The following CALN1 variants were observed in gnomAD, a reference collection of about 807,000 sequenced individuals.
CALN1 encodes the protein calneuron 1, also known as calcium-binding protein 8.
A neutral mutation model predicts 30.6 loss-of-function variants in CALN1; 17 were observed. The observed-to-expected ratio is 0.56, with a 90% confidence interval of 0.38 to 0.83. The LOEUF (loss-of-function observed/expected upper bound fraction) is 0.83. CALN1 is among the 40% of genes least tolerant of loss of function. The pLI, the probability that CALN1 is intolerant of heterozygous loss-of-function variation, is 0.00. For synonymous variants in CALN1, 156 were observed against 131.4 expected, an observed-to-expected ratio of 1.19 and a Z score of -1.28; for missense variants, 291 against 354.9, an observed-to-expected ratio of 0.82 and a Z score of 1.45.
At chr7:72,177,490 CA>C (rs574078027) in intron 3 of CALN1, among the ~76,000 whole-genome samples, 396 of 152,134 alleles carry the variant, frequency 2.6e-3, no homozygotes, top group African/African-American at 9.2e-3. Flanking sequence ...TTGGGCGGGG[CA>C]ATGTGGTTCA....
intron 4 of CALN1, among the ~76,000 whole-genome samples, chr7:72,071,983 G>C (rs1200859458): frequency 6.6e-6 from 1 of 152,090 alleles, no homozygotes; most frequent in Non-Finnish European, 1.5e-5. Context: ...CTTCTTCAGA[G>C]CAGAAGGAAA....
intron 4 of CALN1, among the ~76,000 whole-genome samples, chr7:72,047,789 CA>C (rs1210948416): frequency 2.4e-4 from 36 of 152,198 alleles, no homozygotes; most frequent in Non-Finnish European, 2.9e-5. Context: ...CTGCAGTGAA[CA>C]GGGGGCATGT....
intron 4 of CALN1, among the ~76,000 whole-genome samples, chr7:72,027,190 T>C (rs551643298): frequency 1.3e-4 from 20 of 151,934 alleles, no homozygotes; most frequent in Admixed American, 2.6e-4. Context: ...ACTAGAAAAA[T>C]GCATATCTGA....
At chr7:71,881,866 A>G (rs948686931) in intron 5 of CALN1, among the ~76,000 whole-genome samples, 7 of 151,514 alleles carry the variant, frequency 4.6e-5, no homozygotes, top group Non-Finnish European at 8.8e-5. Flanking sequence ...TGAGGCCAGG[A>G]GTTTGAGGTC....
Position 72,290,032 on chromosome 7 carries a change from T to C in CALN1, c.120-11222A>G, listed in dbSNP as rs573636810. Among the ~76,000 whole-genome samples the C allele has an allele frequency of 1.6e-5, 2 of 125,788 alleles. 1 individual carries two copies. Among genetic ancestry groups the C allele is most frequent in the South Asian group, 4.9e-4 (2 of 4,044 alleles). The allele number at this position is 125,788 out of a possible 152,430, so 82.5% of individuals were successfully genotyped here. A position where few individuals can be genotyped will look rare whatever the true frequency, so the allele number is the denominator to read the frequency against. ...GTTCAAGGCTGCAGTGAGCTATGATTAAACCCCTGTACTCCAGCCTGGGTA... is the reference window on the plus strand; with the variant it reads ...GTTCAAGGCTGCAGTGAGCTATGATCAAACCCCTGTACTCCAGCCTGGGTA... On this transcript the variant is annotated intron_variant, in intron 2 of 6. Coordinates refer to ENST00000395275, the MANE Select transcript of CALN1 (RefSeq NM_031468.4).
At chr7:72,100,941 G>A (rs1280083318) in intron 4 of CALN1, among the ~76,000 whole-genome samples, 1 of 151,192 alleles carries the variant, frequency 6.6e-6, no homozygotes, top group Non-Finnish European at 1.5e-5. Flanking sequence ...TTCACATTTA[G>A]TCCATTTGAC....
intron 2 of CALN1, among the ~76,000 whole-genome samples, chr7:72,365,585 A>G (rs1205623969): frequency 1.3e-5 from 2 of 151,692 alleles, no homozygotes; most frequent in Admixed American, 1.3e-4. Context: ...GCATGCCACC[A>G]CTCCCTGCAA....
At chr7:72,073,957 A>T (rs913077057) in intron 4 of CALN1, among the ~76,000 whole-genome samples, 2 of 152,028 alleles carry the variant, frequency 1.3e-5, no homozygotes, top group Admixed American at 1.3e-4. Context: ...GGCCTCACAG[A>T]GTGTTGGGAT....
chr7:72,333,035 C>T (rs762535594), intron 2 of CALN1, among the ~76,000 whole-genome samples: 2 of 152,186 alleles, frequency 1.3e-5, no homozygotes, highest in African/African-American at 2.4e-5. Context: ...TTTGTACCTC[C>T]CTGTCTCAAC....
At chr7:72,093,510 C>T (rs1261998920) in intron 4 of CALN1, among the ~76,000 whole-genome samples, 1 of 152,158 alleles carries the variant, frequency 6.6e-6, no homozygotes, top group Non-Finnish European at 1.5e-5. Flanking sequence ...CTACTGCATG[C>T]ATTAGCATTA....
At chr7:71,995,276 G>C (rs1459631107) in intron 5 of CALN1, among the ~76,000 whole-genome samples, 2 of 152,232 alleles carry the variant, frequency 1.3e-5, no homozygotes, top group African/African-American at 4.8e-5. Flanking sequence ...AACGCACCTG[G>C]CTTCCAGGTT....
chr7:71,974,636 G>T (rs773937330), intron 5 of CALN1, among the ~76,000 whole-genome samples: 2 of 152,052 alleles, frequency 1.3e-5, no homozygotes, highest in Admixed American at 6.6e-5. Context: ...TCTGTGATCT[G>T]GATGAATTGA....
In CALN1 at chr7:72,249,154, A is replaced by C. The variant is rs73359147; in HGVS notation, c.244+29532T>G. On this transcript the variant is annotated intron_variant, in intron 3 of 6. Coordinates refer to ENST00000395275, the MANE Select transcript of CALN1 (RefSeq NM_031468.4). Reference sequence around the variant, plus strand: ...TTAGACACAGACATGCAGATTCATCATTCTGCCCTGAGTGAGGACAAGCTC... The same window carrying C: ...TTAGACACAGACATGCAGATTCATCCTTCTGCCCTGAGTGAGGACAAGCTC... 6.1e-3 allele frequency among the ~76,000 whole-genome samples: 922 copies of C among 152,322 alleles called. 7 individuals are homozygous for C. The highest frequency in any genetic ancestry group is 0.019 in the African/African-American group (792 of 41,582).
chr7:71,921,048 C>T (rs141913013), intron 5 of CALN1, among the ~76,000 whole-genome samples: 1 of 152,294 alleles, frequency 6.6e-6, no homozygotes, highest in Non-Finnish European at 1.5e-5. Context: ...CGTTCATGTC[C>T]TTTGCAGGGA....
At chr7:71,927,205 A>T (rs1795313619) in intron 5 of CALN1, among the ~76,000 whole-genome samples, 1 of 150,498 alleles carries the variant, frequency 6.6e-6, no homozygotes, top group African/African-American at 2.4e-5. Context: ...TACCAGTCTC[A>T]AATTTTTTGT....
chr7:71,967,820 G>T (rs1797605240), intron 5 of CALN1, among the ~76,000 whole-genome samples: 2 of 152,026 alleles, frequency 1.3e-5, no homozygotes, highest in Admixed American at 1.3e-4. Context: ...ACCACAATGA[G>T]ATGCCACTGT....
At chr7:71,828,716 A>ATGTGTG (rs1369223481) in intron 5 of CALN1, among the ~76,000 whole-genome samples, 2 of 132,396 alleles carry the variant, frequency 1.5e-5, no homozygotes, top group African/African-American at 7.9e-5. Context: ...ATATATATGT[A>ATGTGTG]TATGTGTGTG....
intron 3 of CALN1, among the ~76,000 whole-genome samples, chr7:72,110,593 CGTGT>C (rs909786726): frequency 6.6e-6 from 1 of 151,006 alleles, no homozygotes; most frequent in Non-Finnish European, 1.5e-5. Flanking sequence ...GTAGAGAATT[CGTGT>C]GTGTGTCTAT....
At chr7:71,990,054 C>T (rs1047657684) in intron 5 of CALN1, among the ~76,000 whole-genome samples, 30 of 152,094 alleles carry the variant, frequency 2.0e-4, no homozygotes, top group Non-Finnish European at 4.1e-4. Context: ...GAGGTTAAGT[C>T]ATTCTAAGTC....
Sources: allele counts gnomAD v4.1 joint callset (sites outside exome capture counted in the v4.1 genomes callset), GRCh38; gene constraint gnomAD v4.1.1; transcripts MANE v1.5; gene names NCBI Gene and HGNC (gene_info 2026-07-23, HGNC 2026-07-21).